Variants in EML1 observed in about 807,000 individuals in gnomAD.
The protein encoded by EML1 is echinoderm microtubule-associated protein-like 1.
EML1 carries 27 observed loss-of-function variants against 110.4 expected under a neutral mutation model. The observed-to-expected ratio is 0.24, with a 90% CI of 0.18 to 0.34. EML1 has a LOEUF of 0.34. Among genes scored for constraint, EML1 ranks in the 10% least tolerant of loss-of-function variants. The probability of loss-of-function intolerance (pLI) is 1.00; values close to 1 mark genes in which losing one functional copy is unlikely to be tolerated. For missense variants in EML1, 741 were observed against 1,030.9 expected, an observed-to-expected ratio of 0.72 and a Z score of 3.85; for synonymous variants, 344 against 385.8, an observed-to-expected ratio of 0.89 and a Z score of 1.27.
chr14:99,796,936 T>TGTGTGTGTGTGTGTGTGAGAGA (rs368044152), intron 1 of EML1, among the ~76,000 whole-genome samples: 2 of 150,030 alleles, frequency 1.3e-5, no homozygotes, highest in African/African-American at 4.9e-5. Flanking sequence ...TGTGTGTGTG[T>TGTGTGTGTGTGTGTGTGAGAGA]GAGAGAGTAA....
chr14:99,809,594 G>A (rs1174777486), intron 1 of EML1: 1 of 455,814 alleles, frequency 2.2e-6, no homozygotes, highest in Non-Finnish European at 4.4e-6. Context: ...TATGGCAGAT[G>A]CCTTGAGATT....
At chr14:99,742,528 G>T (rs766620076) in intron 1 of EML1, among the ~76,000 whole-genome samples, 2 of 152,160 alleles carry the variant, frequency 1.3e-5, no homozygotes, top group Non-Finnish European at 2.9e-5. Flanking sequence ...GGACCCGGAG[G>T]AGGGCACAGG....
chr14:99,881,052 G>C (rs780058741), intron 4 of EML1, among the ~76,000 whole-genome samples: 10 of 152,230 alleles, frequency 6.6e-5, no homozygotes, highest in Admixed American at 6.5e-4. Flanking sequence ...GGGAAATAAA[G>C]TATTATAAAT....
rs150996587 is a variant in EML1, at chr14:99,817,768, A to G, written c.67+24225A>G. ...ATGAACGGCACAGTCCCTGACTGCA[A>G]GGAGCTCACGGTCTAATGGAGAAGG... On this transcript the variant is annotated intron_variant, in intron 1 of 21. Coordinates refer to ENST00000262233, the MANE Select transcript of EML1 (RefSeq NM_004434.3). 2.8e-4 allele frequency among the ~76,000 whole-genome samples: 42 copies of G among 152,314 alleles called. No homozygotes were observed. In the East Asian group the frequency reaches 4.4e-3, roughly 16 times the overall value.
chr14:99,835,142 C>T (rs565891990), intron 1 of EML1, among the ~76,000 whole-genome samples: 1 of 152,280 alleles, frequency 6.6e-6, no homozygotes, highest in South Asian at 2.1e-4. Flanking sequence ...TTTTTAACTA[C>T]AAATTCTATT....
chr14:99,809,133 G>A (rs182714765), intron 1 of EML1, among the ~76,000 whole-genome samples: 13 of 152,188 alleles, frequency 8.5e-5, no homozygotes, highest in East Asian at 5.8e-4. Context: ...GAGAAAATAC[G>A]CTATAGATAA....
In EML1 at chr14:99,893,087, C is replaced by T. The variant is rs2059614825; in HGVS notation, c.548-1542C>T. Among the ~76,000 whole-genome samples, 3 of 152,142 alleles carry T rather than the reference C, an allele frequency of 2.0e-5. 1 individual carries two copies. ...AGAACAGCATGAGCGGTGGCACAGA[C>T]AGGACAGGGTGTAGAGGGGGGCAAA... On this transcript the variant is annotated intron_variant, in intron 5 of 21. Coordinates refer to ENST00000262233, the MANE Select transcript of EML1 (RefSeq NM_004434.3).
intron 1 of EML1, among the ~76,000 whole-genome samples, chr14:99,745,992 T>C (rs1266959516): frequency 6.6e-6 from 1 of 152,192 alleles, no homozygotes; most frequent in Non-Finnish European, 1.5e-5. Flanking sequence ...TTAGGGTTAA[T>C]AGACTGAGGT....
intron 1 of EML1, among the ~76,000 whole-genome samples, chr14:99,814,345 G>C (rs1051562370): frequency 3.6e-4 from 55 of 152,218 alleles, no homozygotes; most frequent in African/African-American, 1.3e-3. Context: ...GCATGATCCT[G>C]GCTCACTATA....
intron 6 of EML1, among the ~76,000 whole-genome samples, chr14:99,895,971 G>T (rs1407559770): frequency 6.6e-6 from 1 of 152,066 alleles, no homozygotes; most frequent in African/African-American, 2.4e-5. Flanking sequence ...TAACGTTCTT[G>T]AAACAGAGGT....
chr14:99,838,866 T>G (rs1353273675), intron 1 of EML1, among the ~76,000 whole-genome samples: 1 of 147,834 alleles, frequency 6.8e-6, no homozygotes, highest in African/African-American at 2.7e-5. Context: ...GTCTTTTAGT[T>G]TCTGACAGAA....
intron 2 of EML1, among the ~76,000 whole-genome samples, chr14:99,858,537 T>C (rs1209043037): frequency 6.6e-6 from 1 of 152,196 alleles, no homozygotes; most frequent in Non-Finnish European, 1.5e-5. Flanking sequence ...GATGCCACAG[T>C]GTATTCAACC....
rs550122841 is a variant in EML1, at chr14:99,742,671, G to A, written c.28+4811G>A. On this transcript the variant is annotated intron_variant, in intron 1 of 10. Coordinates refer to the EML1 transcript ENST00000554479. The stretch of plus-strand genomic sequence containing the variant: ...GGGCTCCATGGGGTGACCTGGCAGT[G>A]TTTCAGGGCTCAACTGTAAAACTTG... Among the ~76,000 whole-genome samples, 9 of 152,238 alleles carry A rather than the reference G, an allele frequency of 5.9e-5. No individual in the cohort carries two copies. In the East Asian group the frequency reaches 1.7e-3, roughly 29 times the overall value.
chr14:99,752,539 CCTGGGTG>C, intron 1 of EML1, among the ~76,000 whole-genome samples: 1 of 152,362 alleles, frequency 6.6e-6, no homozygotes, highest in East Asian at 1.9e-4. Flanking sequence ...GTCCTGGTCC[CCTGGGTG>C]CAGGAAGGCT....
At chr14:99,790,448 G>A (rs980686439), upstream of EML1, among the ~76,000 whole-genome samples, 7 of 151,734 alleles carry the variant, frequency 4.6e-5, no homozygotes, top group Admixed American at 4.6e-4. Context: ...AGTCGTCCTC[G>A]CACCTCAGCC....
Position 99,939,904 on chromosome 14 carries a change from T to G in EML1, c.2323-83T>G. ...GAGGGCGAGTAAAGGAATTAAGGCATGCAGTGAGAATTCAAGCACTTTCCC... is the reference window on the plus strand; with the variant it reads ...GAGGGCGAGTAAAGGAATTAAGGCAGGCAGTGAGAATTCAAGCACTTTCCC... On this transcript the variant is annotated intron_variant, in intron 21 of 21. Coordinates refer to ENST00000262233, the MANE Select transcript of EML1 (RefSeq NM_004434.3). The surrounding 1 kb of genome is among the most constrained non-coding windows in gnomAD (Gnocchi z 4.2). The G allele has an allele frequency of 6.9e-7, 1 of 1,441,686 alleles. No individual in the cohort carries two copies. Among genetic ancestry groups the G allele is most frequent in the Admixed American group, 2.5e-5 (1 of 39,836 alleles). 89.3% of individuals were successfully genotyped at this position (1,441,686 alleles called of 1,614,324 possible). A position where few individuals can be genotyped will look rare whatever the true frequency, so the allele number is the denominator to read the frequency against.
chr14:99,935,973 A>G, intron 17 of EML1, 56 bp from the exon 18 acceptor site: 1 of 1,533,960 alleles, frequency 6.5e-7, no homozygotes, highest in South Asian at 1.1e-5. Context: ...TATCCTTTGT[A>G]ACGAACAAAA....
exon 1 of EML1, chr14:99,773,878 C>T (rs753749416): frequency 1.3e-5 from 2 of 152,284 alleles, no homozygotes; most frequent in African/African-American, 2.4e-5. Context: ...GCTTAATGGC[C>T]ACGAGGGAAG....
chr14:99,759,771 G>A (rs370304417), intron 1 of EML1, among the ~76,000 whole-genome samples: 437 of 152,314 alleles, frequency 2.9e-3, no homozygotes, highest in Middle Eastern at 0.017. Context: ...AGCAGCAGCA[G>A]GGCCTGGGGA....
Sources: allele counts gnomAD v4.1 joint callset (sites outside exome capture counted in the v4.1 genomes callset), GRCh38; gene constraint gnomAD v4.1.1; non-coding constraint Gnocchi (gnomAD v3.1); transcripts MANE v1.5; gene names NCBI Gene and HGNC (gene_info 2026-07-23, HGNC 2026-07-21).